The following MGAT4D variants were observed in gnomAD, a reference collection of about 807,000 sequenced individuals.
MGAT4D encodes the protein MGAT4 family member D.
A neutral mutation model predicts 15.9 loss-of-function variants in MGAT4D; 34 were observed. The observed-to-expected ratio is 2.14, with a 90% CI of 1.62 to 2.84. The LOEUF is 2.84. Ranked by LOEUF, MGAT4D falls within the 30% of genes most tolerant of loss-of-function variation. The probability of loss-of-function intolerance (pLI) is 0.00; values close to 1 mark genes in which losing one functional copy is unlikely to be tolerated. For synonymous variants in MGAT4D, 112 were observed against 48.2 expected (o/e 2.33, Z -5.49); for missense variants, 327 against 140.2 (o/e 2.33, Z -6.73).
intron 10 of MGAT4D, among the ~76,000 whole-genome samples, chr4:140,448,330 G>A (rs1457289574): frequency 1.3e-5 from 2 of 152,136 alleles, no homozygotes; most frequent in Non-Finnish European, 2.9e-5. Context: ...GTCTTATTCG[G>A]TGATGCTAGT....
At chr4:140,455,952 C>G (rs1388527759) in intron 9 of MGAT4D, among the ~76,000 whole-genome samples, 3 of 152,026 alleles carry the variant, frequency 2.0e-5, no homozygotes, top group Non-Finnish European at 4.4e-5. Flanking sequence ...GCCTGGGCAA[C>G]ATGGCAAAAA....
chr4:140,480,953 G>A (rs1234276275), intron 2 of MGAT4D, among the ~76,000 whole-genome samples: 2 of 151,934 alleles, frequency 1.3e-5, no homozygotes, highest in Non-Finnish European at 2.9e-5. Flanking sequence ...ATGGCAAATA[G>A]TAAAAATGTT....
intron 5 of MGAT4D, among the ~76,000 whole-genome samples, chr4:140,470,047 G>T (rs1391439144): frequency 1.3e-5 from 2 of 152,240 alleles, no homozygotes; most frequent in African/African-American, 4.8e-5. Flanking sequence ...CAGCTCCCGC[G>T]GTGGCGGAGG....
chr4:140,485,406 T>G (rs1733038635), intron 1 of MGAT4D, among the ~76,000 whole-genome samples: 2 of 148,696 alleles, frequency 1.3e-5, no homozygotes, highest in African/African-American at 2.5e-5. Flanking sequence ...TGTTGTGGGG[T>G]GGGGGTAGGG....
intron 1 of MGAT4D, among the ~76,000 whole-genome samples, chr4:140,493,852 G>A (rs1447703379): frequency 1.3e-5 from 2 of 152,166 alleles, no homozygotes; most frequent in Admixed American, 1.3e-4. Context: ...TATGAAAGGA[G>A]GTAGTATTTC....
In MGAT4D at chr4:140,498,247, C is replaced by T; in HGVS notation, c.-25G>A. 1.4e-6 allele frequency: 1 copy of T among 701,620 alleles called. No homozygotes were observed. Among genetic ancestry groups the T allele is most frequent in the Non-Finnish European group, 2.6e-6 (1 of 384,172 alleles). 43.5% of individuals were successfully genotyped at this position (701,620 alleles called of 1,614,324 possible). ...TGGCCCTGGCCAGGCTGCGGGAGGC[C>T]GGCGGGTGGAGGCGGCGGATAATGC... is the stretch of plus-strand genomic sequence containing the variant. On this transcript the variant is annotated 5_prime_UTR_variant, in exon 1 of 11. Transcript: ENST00000511113.
chr4:140,462,465 T>C (rs894368482), intron 6 of MGAT4D: 1 of 152,682 alleles, frequency 6.5e-6, no homozygotes, highest in African/African-American at 2.4e-5. Flanking sequence ...TTACGGGTCT[T>C]TAAACCATTT....
chr4:140,473,794 G>A (rs1397494535), intron 4 of MGAT4D, among the ~76,000 whole-genome samples: 1 of 152,088 alleles, frequency 6.6e-6, no homozygotes, highest in Non-Finnish European at 1.5e-5. Flanking sequence ...TACCTCCTGG[G>A]CTCAAATGAT....
intron 3 of MGAT4D, among the ~76,000 whole-genome samples, chr4:140,477,915 G>A (rs1356593451): frequency 6.6e-6 from 1 of 152,186 alleles, no homozygotes; most frequent in Non-Finnish European, 1.5e-5. Flanking sequence ...ATAAAAAATA[G>A]TTATAGAGGG....
At chr4:140,475,183 CT>C (rs1732232241) in intron 3 of MGAT4D, among the ~76,000 whole-genome samples, 3 of 152,042 alleles carry the variant, frequency 2.0e-5, no homozygotes, top group Admixed American at 2.0e-4. Context: ...CCAAGATGTT[CT>C]TATGTTAAAA....
chr4:140,449,677 G>A (rs112091591), intron 10 of MGAT4D, among the ~76,000 whole-genome samples: 121 of 152,168 alleles, frequency 8.0e-4, no homozygotes, highest in African/African-American at 1.7e-3. Flanking sequence ...GGAGAATGGC[G>A]TGAACCTGGG....
At chr4:140,484,061 A>G in intron 1 of MGAT4D, among the ~76,000 whole-genome samples, 1 of 152,234 alleles carries the variant, frequency 6.6e-6, no homozygotes, top group Non-Finnish European at 1.5e-5. Context: ...AACAATTAAC[A>G]GAGTGAAGAG....
chr4:140,463,371 T>C (rs1731319458), intron 6 of MGAT4D, among the ~76,000 whole-genome samples: 1 of 151,944 alleles, frequency 6.6e-6, no homozygotes, highest in African/African-American at 2.4e-5. Context: ...GAATGGGAAA[T>C]GCAGATATGA....
intron 1 of MGAT4D, among the ~76,000 whole-genome samples, chr4:140,495,162 ACCGCAGGG>A (rs1733757601): frequency 6.6e-6 from 1 of 152,102 alleles, no homozygotes. Flanking sequence ...AGGAGATTCC[ACCGCAGGG>A]CCTTTGTACT....
chr4:140,482,451 C>A lies in MGAT4D; in HGVS notation c.129G>T (p.Leu43Phe). ...NQLINCRNHI[L>F]EFKENMLHLR... is the part of the protein sequence containing the mutation. ...AGTGTAGCATATTTTCTTTAAACTC[C>A]AAAATATGGTTTCTACAGTTAATTA... Residue 43 changes from leucine to phenylalanine, a missense_variant, in exon 2 of 11, where the codon TTG becomes TTT. Coordinates refer to ENST00000511113, the MANE Select transcript of MGAT4D (RefSeq NM_001277353.2). 1 of 641,268 alleles carries A rather than the reference C, an allele frequency of 1.6e-6. No individual in the cohort carries two copies. The highest frequency in any genetic ancestry group is 2.8e-6 in the Non-Finnish European group (1 of 363,452). The allele number at this position is 641,268 out of a possible 1,614,324, so 39.7% of individuals were successfully genotyped here.
intron 1 of MGAT4D, among the ~76,000 whole-genome samples, chr4:140,496,456 C>A (rs187221197): frequency 1.3e-5 from 2 of 152,134 alleles, no homozygotes; most frequent in Admixed American, 6.5e-5. Flanking sequence ...AGAAAACACA[C>A]CAAAATGATT....
At chr4:140,474,126 AG>A (rs1732159746) in intron 4 of MGAT4D, among the ~76,000 whole-genome samples, 1 of 152,208 alleles carries the variant, frequency 6.6e-6, no homozygotes, top group Non-Finnish European at 1.5e-5. Context: ...CTCTCCAAAA[AG>A]TCTTATGGTG....
At chr4:140,490,195 CTTTG>C (rs1403449509) in intron 1 of MGAT4D, among the ~76,000 whole-genome samples, 3 of 152,142 alleles carry the variant, frequency 2.0e-5, no homozygotes, top group Admixed American at 2.0e-4. Flanking sequence ...TTATGTTGCA[CTTTG>C]TTTTAGAGTC....
chr4:140,496,699 C>G (rs1052385615), intron 1 of MGAT4D, among the ~76,000 whole-genome samples: 1 of 151,902 alleles, frequency 6.6e-6, no homozygotes, highest in Non-Finnish European at 1.5e-5. Context: ...AAAAATTATC[C>G]GGGCATGGTG....
Sources: allele counts gnomAD v4.1 joint callset (sites outside exome capture counted in the v4.1 genomes callset), GRCh38; gene constraint gnomAD v4.1.1; transcripts MANE v1.5; gene names NCBI Gene and HGNC (gene_info 2026-07-23, HGNC 2026-07-21).